Variants in CROCC observed in about 807,000 individuals in gnomAD.
CROCC encodes rootletin.
Under a neutral mutation model 245.2 loss-of-function variants are expected in CROCC, and 180 were observed. The observed-to-expected ratio is 0.73, with a 90% confidence interval of 0.65 to 0.83. CROCC has a LOEUF of 0.83. Ranked by LOEUF, CROCC falls within the 40% of genes least tolerant of loss-of-function variation. The probability of loss-of-function intolerance (pLI) is 0.00; values close to 1 mark genes in which losing one functional copy is unlikely to be tolerated. For missense variants in CROCC, 2,688 were observed against 2,779.4 expected (o/e 0.97, Z 0.74); for synonymous variants, 1,205 against 1,241.6 (o/e 0.97, Z 0.62).
rs1557626399 is a variant in CROCC, at chr1:16,954,503, C to T, written c.3321+146C>T. The T allele has an allele frequency of 7.8e-7, 1 of 1,274,576 alleles. No individual in the cohort carries two copies. Among genetic ancestry groups the T allele is most frequent in the Non-Finnish European group, 1.1e-6 (1 of 940,652 alleles). 79.0% of individuals were successfully genotyped at this position (1,274,576 alleles called of 1,614,324 possible). A position where few individuals can be genotyped will look rare whatever the true frequency, so the allele number is the denominator to read the frequency against. ...GGTTTAGCCCTTCTTTTGGGAGCCC[C>T]CATCTGAGGGAGGTGGCTCAGCCCT... On this transcript the variant is annotated intron_variant, in intron 22 of 36. Coordinates refer to ENST00000375541, the MANE Select transcript of CROCC (RefSeq NM_014675.5). This position sits in a 1 kb window ranked among gnomAD's most constrained non-coding sequence, Gnocchi z 4.4.
At chr1:16,960,663 A>G in intron 26 of CROCC, 95 bp from the exon 27 acceptor site, 1 of 1,345,602 alleles carries the variant, frequency 7.4e-7, no homozygotes, top group Non-Finnish European at 9.5e-7. Context: ...TACTGACCAC[A>G]CAGTCAGGGA....
At position 16,921,956 on chromosome 1, in the gene CROCC, T is replaced by C; in HGVS notation, c.-63T>C. On this transcript the variant is annotated 5_prime_UTR_variant, in exon 1 of 37. Coordinates refer to ENST00000375541, the MANE Select transcript of CROCC (RefSeq NM_014675.5). ...ACAGCATCCTGGCTGTGGCGCGTGC[T>C]GACTGAGCTAGTCTTGGGGTCCTGG... 6.8e-7 allele frequency: 1 copy of C among 1,469,958 alleles called. No homozygotes were observed. The highest frequency in any genetic ancestry group is 9.3e-7 in the Non-Finnish European group (1 of 1,072,890). The allele number at this position is 1,469,958 out of a possible 1,614,324, so 91.1% of individuals were successfully genotyped here.
chr1:16,968,993 T>C, intron 31 of CROCC, 123 bp from the exon 32 acceptor site: 1 of 956,452 alleles, frequency 1.0e-6, no homozygotes, highest in Non-Finnish European at 1.6e-6. Flanking sequence ...GTCTCAATGA[T>C]GGAGGCCCAG....
Position 16,922,745 on chromosome 1 carries a change from C to G in CROCC, c.143C>G (p.Pro48Arg), listed in dbSNP as rs1473466956. 1.2e-6 allele frequency: 2 copies of G among 1,613,970 alleles called. No homozygotes were observed. Among genetic ancestry groups the G allele is most frequent in the South Asian group, 2.2e-5 (2 of 91,084 alleles). ...CAGGACGCTCAGATCACCAGCCTGC[C>G]TGCCCTTATCAGGGAGATTGTCACC... The part of the protein sequence containing the change: ...LAQDAQITSL[P>R]ALIREIVTRN... The change falls in exon 2 of 37, where the codon CCT becomes CGT. Residue 48 changes from proline to arginine, a missense_variant. By Grantham distance (103) the Pro-to-Arg change is moderately radical. This residue lies in a region of CROCC where 972 missense variants were observed against 895.3 expected (regional missense o/e 1.09). Coordinates refer to ENST00000375541, the MANE Select transcript of CROCC (RefSeq NM_014675.5).
chr1:16,948,594 G>C (rs538901012), intron 18 of CROCC, 70 bp downstream of exon 18: 30 of 1,472,260 alleles, frequency 2.0e-5, no homozygotes, highest in African/African-American at 1.5e-4. Context: ...CCAGCCACAC[G>C]CAGGCACGGG....
intron 13 of CROCC, among the ~76,000 whole-genome samples, chr1:16,942,254 TC>T (rs2075949840): frequency 1.3e-5 from 2 of 152,364 alleles, no homozygotes; most frequent in East Asian, 1.9e-4. Flanking sequence ...CGTCTCGGCC[TC>T]CCAAAGTACT....
chr1:16,936,765 T>C lies in CROCC; in HGVS notation c.1085T>C (p.Leu362Pro). 6.2e-7 allele frequency: 1 copy of C among 1,611,388 alleles called. No homozygotes were observed. Among genetic ancestry groups the C allele is most frequent in the Non-Finnish European group, 8.5e-7 (1 of 1,179,598 alleles). ...RAEAALEKQA[L>P]LQAQLEEQLR... ...GAGGCAGCCCTGGAGAAACAGGCCC[T>C]GCTGCAGGCCCAGCTGGAGGAGCAG... The change falls in exon 9 of 37, where the codon CTG becomes CCG. Residue 362 changes from leucine to proline, a missense_variant. By Grantham distance (98) the Leu-to-Pro change is moderately conservative. Transcript: ENST00000375541.
chr1:16,965,760 A>C lies in CROCC; in HGVS notation c.4443A>C (p.Glu1481Asp), dbSNP rs996279789. The change falls in exon 28 of 37, where the codon GAA becomes GAC. Residue 1481 changes from glutamate to aspartate, a missense_variant. Physicochemically the swap from Glu to Asp is conservative, Grantham distance 45. Transcript: ENST00000375541. ...GEGLNSPSTL[E>D]CSPGSQPPSP... ...GGCTCAACAGCCCCAGCACCTTAGA[A>C]TGCAGCCCTGGGTCCCAGCCACCAT... The C allele has an allele frequency of 3.1e-6, 5 of 1,613,848 alleles. No homozygotes were observed. The highest frequency in any genetic ancestry group is 4.2e-6 in the Non-Finnish European group (5 of 1,179,944).
intron 1 of CROCC, among the ~76,000 whole-genome samples, chr1:16,916,521 A>C (rs151281942): frequency 1.5e-3 from 231 of 152,306 alleles, no homozygotes; most frequent in African/African-American, 5.2e-3. Context: ...GTTTTTGTTT[A>C]TTTGAGACAG....
intron 8 of CROCC, among the ~76,000 whole-genome samples, chr1:16,934,513 G>A (rs1220429394): frequency 6.6e-6 from 1 of 152,246 alleles, no homozygotes; most frequent in Non-Finnish European, 1.5e-5. Flanking sequence ...ATGTTGCCCA[G>A]GCTGGTCTTG....
chr1:16,965,614 G>A, intron 27 of CROCC, 109 bp from the exon 28 acceptor site: 1 of 833,428 alleles, frequency 1.2e-6, no homozygotes, highest in East Asian at 2.4e-5. Context: ...TAGCAGAGAA[G>A]TTGGGCTTGA....
At chr1:16,942,000 C>G (rs1249907412) in intron 13 of CROCC, among the ~76,000 whole-genome samples, 2 of 152,232 alleles carry the variant, frequency 1.3e-5, no homozygotes, top group Non-Finnish European at 2.9e-5. Context: ...CCATGCCTAG[C>G]CTTGAAGATT....
intron 8 of CROCC, among the ~76,000 whole-genome samples, chr1:16,932,563 T>G (rs1458609886): frequency 1.3e-5 from 2 of 152,234 alleles, no homozygotes. Context: ...AAAACCACTT[T>G]GTGGAGATGG....
At chr1:16,965,960 G>C in intron 28 of CROCC, 39 bp from the exon 29 acceptor site, 1 of 1,605,496 alleles carries the variant, frequency 6.2e-7, no homozygotes. Flanking sequence ...GGGTGTCAGA[G>C]CAGGGGTCTG....
Position 16,965,838 on chromosome 1 carries a change from G to A in CROCC, c.4521G>A (p.Val1507=). ...CTCCAGACCTGGACCCGGAGGCAGTGCGCGGGGCCCTCCGGGAATTCCTGC... is the reference window on the plus strand; with the variant it reads ...CTCCAGACCTGGACCCGGAGGCAGTACGCGGGGCCCTCCGGGAATTCCTGC... ...PASPDLDPEA[V]RGALREFLQE... The change falls in exon 28 of 37, where the codon GTG becomes GTA. Residue 1507 remains valine (V), a synonymous_variant. Transcript: ENST00000375541. The A allele has an allele frequency of 1.9e-6, 3 of 1,613,718 alleles. No homozygotes were observed. The highest frequency in any genetic ancestry group is 2.5e-6 in the Non-Finnish European group (3 of 1,180,036).
chr1:16,969,018 G>A, intron 31 of CROCC, 98 bp from the exon 32 acceptor site: 8 of 1,119,086 alleles, frequency 7.1e-6, no homozygotes, highest in Non-Finnish European at 1.1e-5. Context: ...AAGTGGGAAG[G>A]GTGTGGATTG....
At chr1:16,931,740 A>G (rs1046112592) in intron 8 of CROCC, among the ~76,000 whole-genome samples, 1 of 152,200 alleles carries the variant, frequency 6.6e-6, no homozygotes, top group Non-Finnish European at 1.5e-5. Context: ...TAAGTGGCTG[A>G]GTCAGAGTTT....
At chr1:16,920,236 G>GC (rs1206298383), upstream of CROCC, among the ~76,000 whole-genome samples, 1 of 152,188 alleles carries the variant, frequency 6.6e-6, no homozygotes, top group African/African-American at 2.4e-5. Flanking sequence ...GCACCACCAT[G>GC]CCTAGCTAAT....
At chr1:16,969,062 G>A (rs2076466926) in intron 31 of CROCC, 54 bp from the exon 32 acceptor site, 6 of 1,520,302 alleles carry the variant, frequency 3.9e-6, no homozygotes, top group African/African-American at 1.4e-5. Context: ...TGGGAGCAGA[G>A]GTATAGAGGC....
Sources: gnomAD v4.1 joint callset for allele counts (sites outside exome capture counted in the v4.1 genomes callset) on GRCh38, gnomAD v4.1.1 for gene constraint, gnomAD v4.1.1 regional missense constraint, Gnocchi (gnomAD v3.1) non-coding constraint, MANE v1.5 for transcripts, NCBI Gene and HGNC (gene_info 2026-07-23, HGNC 2026-07-21) for gene names.